Variants in COPZ1 observed in about 807,000 individuals in gnomAD.
COPZ1 encodes coat protein complex I subunit zeta 1, also known as coatomer subunit zeta-1.
A neutral mutation model predicts 31.7 loss-of-function variants in COPZ1; 4 were observed. The ratio of observed to expected loss-of-function variants is 0.13; its 90% CI spans 0.06 to 0.29. The LOEUF is 0.29. COPZ1 is among the 10% of genes least tolerant of loss of function. The probability of loss-of-function intolerance (pLI) is 1.00; values close to 1 mark genes in which losing one functional copy is unlikely to be tolerated. For missense variants in COPZ1, 156 were observed against 211.5 expected (o/e 0.74, Z 1.63); for synonymous variants, 74 against 79.0 (o/e 0.94, Z 0.33).
intron 4 of COPZ1, among the ~76,000 whole-genome samples, chr12:54,343,910 G>T (rs894910057): frequency 6.6e-6 from 1 of 152,202 alleles, no homozygotes; most frequent in Admixed American, 6.5e-5. Context: ...AAAGTATATT[G>T]TTATTTAAAC....
intron 8 of COPZ1, chr12:54,350,037 T>G (rs918953843): frequency 3.3e-6 from 2 of 598,698 alleles, no homozygotes; most frequent in Non-Finnish European, 5.9e-6. Flanking sequence ...GAAATGCATA[T>G]TCTAGAATAT....
intron 1 of COPZ1, among the ~76,000 whole-genome samples, chr12:54,339,980 CGTGT>C (rs10522684): frequency 0.058 from 8,189 of 142,016 alleles, 443 homozygotes; most frequent in African/African-American, 0.14. Flanking sequence ...TGTGCCTGTG[CGTGT>C]GTGTGTGTGT....
chr12:54,343,238 C>T lies in COPZ1; in HGVS notation c.183C>T (p.Leu61=), dbSNP rs753821528. 1 of 1,613,982 alleles carries T rather than the reference C, an allele frequency of 6.2e-7. No homozygotes were observed. Among genetic ancestry groups the T allele is most frequent in the South Asian group, 1.1e-5 (1 of 91,076 alleles). Residue 61 remains leucine (L), a synonymous_variant, in exon 4 of 9, where the codon CTC becomes CTT. Coordinates refer to ENST00000262061, the MANE Select transcript of COPZ1 (RefSeq NM_016057.3). ...KTHRTDSEIA[L]LEGLTVVYKS... ...TTCCCCCACCAGGTGAAATTGCCCTCTTGGAAGGCCTGACAGTGGTATACA... is the reference window on the plus strand; with the variant it reads ...TTCCCCCACCAGGTGAAATTGCCCTTTTGGAAGGCCTGACAGTGGTATACA...
chr12:54,333,728 C>T (rs1318242284), intron 1 of COPZ1, among the ~76,000 whole-genome samples: 1 of 152,126 alleles, frequency 6.6e-6, no homozygotes, highest in Non-Finnish European at 1.5e-5. Context: ...AATATCAAAA[C>T]TCTTGTTGAC....
intron 1 of COPZ1, among the ~76,000 whole-genome samples, chr12:54,334,265 A>G (rs1953813703): frequency 6.6e-6 from 1 of 151,470 alleles, no homozygotes; most frequent in South Asian, 2.1e-4. Flanking sequence ...TACAAAAAAC[A>G]CAAAAATAAG....
chr12:54,343,807 A>G (rs906447238), intron 4 of COPZ1, among the ~76,000 whole-genome samples: 4 of 152,230 alleles, frequency 2.6e-5, no homozygotes, highest in African/African-American at 9.6e-5. Context: ...GAATAGATAA[A>G]TAAAAATAAG....
intron 1 of COPZ1, among the ~76,000 whole-genome samples, chr12:54,328,685 A>G (rs898036974): frequency 6.6e-6 from 1 of 152,214 alleles, no homozygotes; most frequent in Non-Finnish European, 1.5e-5. Flanking sequence ...GCTTTAATCT[A>G]TGCCTAATAG....
chr12:54,336,980 C>T (rs182365751), intron 1 of COPZ1, among the ~76,000 whole-genome samples: 33 of 143,460 alleles, frequency 2.3e-4, no homozygotes, highest in African/African-American at 8.0e-4. Flanking sequence ...GGAGTTTGCT[C>T]CACTGCACTC....
chr12:54,345,012 C>G (rs901586232), intron 4 of COPZ1: 1 of 152,806 alleles, frequency 6.5e-6, no homozygotes, highest in African/African-American at 2.4e-5. Flanking sequence ...CTGCAGCCTC[C>G]GAAAGTGCTG....
At chr12:54,345,575 G>T in intron 5 of COPZ1, 60 bp downstream of exon 5, 2 of 1,373,552 alleles carry the variant, frequency 1.5e-6, no homozygotes, top group East Asian at 2.3e-5. Context: ...GGGCATTGTT[G>T]ATTTCTTTTT....
intron 5 of COPZ1, among the ~76,000 whole-genome samples, chr12:54,345,977 G>C (rs1312657088): frequency 6.6e-6 from 1 of 151,444 alleles, no homozygotes; most frequent in Non-Finnish European, 1.5e-5. Flanking sequence ...AAAAAAGTTG[G>C]GTTTATTAAT....
intron 5 of COPZ1, among the ~76,000 whole-genome samples, chr12:54,346,430 G>A (rs61614746): frequency 0.11 from 16,540 of 151,688 alleles, 1,204 homozygotes; most frequent in East Asian, 0.2. Flanking sequence ...GTGCCACCAC[G>A]CCTGGCTAAT....
intron 1 of COPZ1, among the ~76,000 whole-genome samples, chr12:54,332,734 TAA>T (rs1208909795): frequency 1.4e-5 from 2 of 140,288 alleles, no homozygotes; most frequent in Admixed American, 7.2e-5. Context: ...AACTCAGTCT[TAA>T]AAAAAAAAAG....
Position 54,340,530 on chromosome 12 carries a change from T to A in COPZ1, c.19-17T>A. On this transcript the variant is annotated splice_polypyrimidine_tract_variant and intron_variant, in intron 1 of 8. Transcript: ENST00000262061. ...ATGGGAGGCTTCAGGACTGAAGGTA[T>A]GTTCGTATCTCTTCAGGAACCTTCC... 1 of 1,613,852 alleles carries A rather than the reference T, an allele frequency of 6.2e-7. No individual in the cohort carries two copies. The highest frequency in any genetic ancestry group is 8.5e-7 in the Non-Finnish European group (1 of 1,179,934).
At chr12:54,347,742 C>G in intron 5 of COPZ1, 25 bp from the exon 6 acceptor site, 5 of 1,596,024 alleles carry the variant, frequency 3.1e-6, no homozygotes, top group Non-Finnish European at 4.3e-6. Flanking sequence ...GTTGGTTATT[C>G]TCTTCTCTTC....
intron 1 of COPZ1, chr12:54,337,140 A>G (rs780434191): frequency 9.4e-6 from 5 of 529,788 alleles, no homozygotes; most frequent in Non-Finnish European, 1.9e-5. Context: ...TTTTCTTGAT[A>G]ATAAAAACAT....
chr12:54,330,072 T>C (rs1430381155), intron 1 of COPZ1, among the ~76,000 whole-genome samples: 1 of 152,282 alleles, frequency 6.6e-6, no homozygotes, highest in South Asian at 2.1e-4. Flanking sequence ...TGCTGGTGCC[T>C]GGCCCCCTCC....
intron 2 of COPZ1, 74 bp downstream of exon 2, chr12:54,340,689 C>T: frequency 7.0e-7 from 1 of 1,424,582 alleles, no homozygotes; most frequent in Non-Finnish European, 9.7e-7. Flanking sequence ...GGGACTGATA[C>T]CTTATTAACT....
intron 8 of COPZ1, chr12:54,349,999 T>C: frequency 1.4e-5 from 8 of 592,250 alleles, no homozygotes; most frequent in Non-Finnish European, 2.4e-5. Flanking sequence ...ACTCTCTTTC[T>C]CTTATTATTC....
Sources: gnomAD v4.1 joint callset for allele counts (sites outside exome capture counted in the v4.1 genomes callset) on GRCh38, gnomAD v4.1.1 for gene constraint, MANE v1.5 for transcripts, NCBI Gene and HGNC (gene_info 2026-07-23, HGNC 2026-07-21) for gene names.